The following EFCAB6 variants were observed in gnomAD, a reference collection of about 807,000 sequenced individuals.
EFCAB6 encodes EF-hand calcium binding domain 6, also known as EF-hand calcium-binding domain-containing protein 6.
EFCAB6 carries 156 observed loss-of-function variants against 169.8 expected under a neutral mutation model. The ratio of observed to expected loss-of-function variants is 0.92; its 90% CI spans 0.81 to 1.05. EFCAB6 has a LOEUF of 1.05. Ranked by LOEUF, EFCAB6 falls within the 50% of genes least tolerant of loss-of-function variation. The pLI is 0.00. For missense variants in EFCAB6, 1,800 were observed against 1,829.1 expected (o/e 0.98, Z 0.29); for synonymous variants, 698 against 676.4 (o/e 1.03, Z -0.50).
intron 4 of EFCAB6, among the ~76,000 whole-genome samples, chr22:43,766,024 GTTTT>G (rs981872105): frequency 2.0e-5 from 3 of 152,178 alleles, no homozygotes; most frequent in African/African-American, 7.2e-5. Flanking sequence ...CCCCTCAAGT[GTTTT>G]TTGTTTGTTT....
chr22:43,540,425 G>T (rs1203417893), intron 27 of EFCAB6, 68 bp from the exon 28 acceptor site: 4 of 1,604,480 alleles, frequency 2.5e-6, no homozygotes, highest in East Asian at 2.2e-5. Context: ...ACCTGTGCCA[G>T]CGAGAAGTGG....
At position 43,667,286 on chromosome 22, in the gene EFCAB6, CA is replaced by C; in HGVS notation, c.1815-15del. 1 of 1,612,348 alleles carries C rather than the reference CA, an allele frequency of 6.2e-7. No individual in the cohort carries two copies. The highest frequency in any genetic ancestry group is 8.5e-7 in the Non-Finnish European group (1 of 1,179,054). The stretch of plus-strand genomic sequence containing the variant: ...GTGAGCTTGGTTCTAAAATCACAAG[CA>C]GGCATTTAGACCCAGTGTCAACTGA... On this transcript the variant is annotated splice_polypyrimidine_tract_variant and intron_variant, in intron 16 of 31. Coordinates refer to ENST00000262726, the MANE Select transcript of EFCAB6 (RefSeq NM_022785.4).
intron 10 of EFCAB6, among the ~76,000 whole-genome samples, chr22:43,696,351 A>C (rs1316148800): frequency 6.6e-6 from 1 of 152,162 alleles, no homozygotes; most frequent in African/African-American, 2.4e-5. Context: ...CTGCTGGTGG[A>C]ATTGCAAGAT....
chr22:43,784,676 TACACACACACACACACACACAC>T (rs571679900), intron 2 of EFCAB6, among the ~76,000 whole-genome samples: 4,457 of 63,446 alleles, frequency 0.07, 322 homozygotes, highest in Non-Finnish European at 0.079. Context: ...TATACATATA[TACACACACACACACACACACAC>T]ACACACACAC....
At chr22:43,737,961 C>T (rs1029577667) in intron 6 of EFCAB6, among the ~76,000 whole-genome samples, 6 of 151,618 alleles carry the variant, frequency 4.0e-5, no homozygotes, top group Non-Finnish European at 5.9e-5. Context: ...CATACCCACA[C>T]CATCACTCAC....
At chr22:43,722,159 C>G (rs1281714385) in intron 8 of EFCAB6, among the ~76,000 whole-genome samples, 1 of 152,106 alleles carries the variant, frequency 6.6e-6, no homozygotes, top group Non-Finnish European at 1.5e-5. Context: ...CTCATAATCA[C>G]TAATCATCAG....
chr22:43,676,034 T>C (rs2057741345), intron 13 of EFCAB6, among the ~76,000 whole-genome samples: 1 of 151,988 alleles, frequency 6.6e-6, no homozygotes, highest in South Asian at 2.1e-4. Flanking sequence ...GAAAATCTTA[T>C]TTATGATGAG....
intron 21 of EFCAB6, among the ~76,000 whole-genome samples, chr22:43,615,134 A>G (rs2053606119): frequency 6.6e-6 from 1 of 152,280 alleles, no homozygotes; most frequent in South Asian, 2.1e-4. Context: ...TTTTCAAAAT[A>G]ATGTGAAAAT....
At chr22:43,590,505 A>C (rs942566713) in intron 23 of EFCAB6, among the ~76,000 whole-genome samples, 1 of 152,236 alleles carries the variant, frequency 6.6e-6, no homozygotes, top group African/African-American at 2.4e-5. Context: ...GGTACTTTAA[A>C]AACGGAACCA....
At chr22:43,670,074 T>C (rs1252290573) in intron 15 of EFCAB6, among the ~76,000 whole-genome samples, 3 of 152,182 alleles carry the variant, frequency 2.0e-5, no homozygotes, top group East Asian at 1.9e-4. Flanking sequence ...ACTCAGTTTC[T>C]TTATAGCCTT....
chr22:43,797,789 C>T (rs2062565666), intron 2 of EFCAB6, among the ~76,000 whole-genome samples: 1 of 152,282 alleles, frequency 6.6e-6, no homozygotes, highest in African/African-American at 2.4e-5. Flanking sequence ...GTGGCTGCAG[C>T]ACAGGCCCTC....
At chr22:43,686,439 C>T (rs1453449367) in intron 11 of EFCAB6, among the ~76,000 whole-genome samples, 1 of 152,124 alleles carries the variant, frequency 6.6e-6, no homozygotes, top group East Asian at 1.9e-4. Flanking sequence ...ATGTCTGTGA[C>T]ATTGCCAGAT....
At chr22:43,687,983 A>G (rs754870822) in intron 10 of EFCAB6, among the ~76,000 whole-genome samples, 1 of 152,232 alleles carries the variant, frequency 6.6e-6, no homozygotes, top group African/African-American at 2.4e-5. Context: ...TGCCCCAGCA[A>G]AGAAACATGG....
At chr22:43,556,385 G>A (rs376397971) in intron 26 of EFCAB6, among the ~76,000 whole-genome samples, 4 of 152,252 alleles carry the variant, frequency 2.6e-5, no homozygotes, top group African/African-American at 4.8e-5. Flanking sequence ...CGTGGGAGTC[G>A]GGAACAAGTG....
intron 12 of EFCAB6, 138 bp from the exon 13 acceptor site, chr22:43,678,301 G>A (rs2057858874): frequency 4.0e-6 from 3 of 756,316 alleles, no homozygotes; most frequent in Non-Finnish European, 4.2e-6. Flanking sequence ...CAAATACATC[G>A]ACTGATGATC....
intron 10 of EFCAB6, among the ~76,000 whole-genome samples, chr22:43,708,524 A>G (rs1244969047): frequency 6.6e-6 from 1 of 152,202 alleles, no homozygotes; most frequent in Non-Finnish European, 1.5e-5. Flanking sequence ...TAATCACAAT[A>G]AATGAAAACA....
At chr22:43,581,568 T>C (rs907016382) in intron 24 of EFCAB6, among the ~76,000 whole-genome samples, 1 of 152,244 alleles carries the variant, frequency 6.6e-6, no homozygotes, top group Non-Finnish European at 1.5e-5. Context: ...TAAAGTTTAA[T>C]TGCATTCAAA....
intron 10 of EFCAB6, among the ~76,000 whole-genome samples, chr22:43,710,101 G>A (rs761278942): frequency 1.3e-5 from 2 of 152,134 alleles, no homozygotes; most frequent in South Asian, 4.1e-4. Flanking sequence ...CCCCAAAAAA[G>A]GTTCTCTGTC....
At chr22:43,664,762 T>C (rs1366505838) in intron 17 of EFCAB6, among the ~76,000 whole-genome samples, 1 of 152,010 alleles carries the variant, frequency 6.6e-6, no homozygotes, top group Non-Finnish European at 1.5e-5. Context: ...AGAGCTGAGA[T>C]CAGGGAGGTG....
Sources: gnomAD v4.1 joint callset for allele counts (sites outside exome capture counted in the v4.1 genomes callset) on GRCh38, gnomAD v4.1.1 for gene constraint, MANE v1.5 for transcripts, NCBI Gene and HGNC (gene_info 2026-07-23, HGNC 2026-07-21) for gene names.